SUV39H1: variants seen among roughly 807,000 people sequenced by gnomAD.
SUV39H1 encodes histone-lysine N-methyltransferase SUV39H1.
For synonymous variants in SUV39H1, 141 were observed against 150.5 expected (o/e 0.94, Z 0.46); for missense variants, 180 against 386.3 (o/e 0.47, Z 4.48).
At chrX:48,700,778 G>T in intron 3 of SUV39H1, 25 bp downstream of exon 3, 16 of 1,199,617 alleles carry the variant, frequency 1.3e-5, no homozygotes, top group Non-Finnish European at 1.8e-5. Context: ...CCCGGTGTGT[G>T]TGTGCAGCTC....
chrX:48,706,454 G>A lies in SUV39H1; in HGVS notation c.975+43G>A, dbSNP rs782287892. 6 of 1,200,265 alleles carry A rather than the reference G, an allele frequency of 5.0e-6. No individual in the cohort carries two copies. The East Asian group carries it at 1.8e-4, about 36-fold the overall frequency. On this transcript the variant is annotated intron_variant, in intron 4 of 5. Transcript: ENST00000376687. Reference sequence around the variant, plus strand: ...GCGGGCAAGGGGTCGAGAGGGGCAGGCTGGAGCCCCTCCTCACTCTCCCAA... The same window carrying A: ...GCGGGCAAGGGGTCGAGAGGGGCAGACTGGAGCCCCTCCTCACTCTCCCAA...
chrX:48,696,212 C>T (rs1409025490), upstream of SUV39H1, among the ~76,000 whole-genome samples: 1 of 112,389 alleles, frequency 8.9e-6, no homozygotes, highest in African/African-American at 3.2e-5. Flanking sequence ...ATAAGGCAGG[C>T]TGGCTAACAG....
Sources: allele counts gnomAD v4.1 joint callset (sites outside exome capture counted in the v4.1 genomes callset), GRCh38; gene constraint gnomAD v4.1.1; transcripts MANE v1.5; gene names NCBI Gene and HGNC (gene_info 2026-07-23, HGNC 2026-07-21).